The following ATP9A variants were observed in gnomAD, a reference collection of about 807,000 sequenced individuals.
ATP9A encodes the protein probable phospholipid-transporting ATPase IIA.
ATP9A carries 52 observed loss-of-function variants against 144.1 expected under a neutral mutation model. The ratio of observed to expected loss-of-function variants is 0.36; its 90% CI spans 0.29 to 0.45. The LOEUF is 0.45. Among genes scored for constraint, ATP9A ranks in the 20% least tolerant of loss-of-function variants. The probability of loss-of-function intolerance (pLI) is 1.00; values close to 1 mark genes in which losing one functional copy is unlikely to be tolerated. For synonymous variants in ATP9A, 582 were observed against 557.4 expected (o/e 1.04, Z -0.62); for missense variants, 947 against 1,392.7 (o/e 0.68, Z 5.09).
At chr20:51,719,482 C>G (rs757553367) in intron 3 of ATP9A, among the ~76,000 whole-genome samples, 3 of 152,216 alleles carry the variant, frequency 2.0e-5, no homozygotes, top group Non-Finnish European at 4.4e-5. Context: ...CGCCTGTAAT[C>G]CCAGCACTTT....
At position 51,629,049 on chromosome 20, in the gene ATP9A, C is replaced by T. The variant is rs779331194; in HGVS notation, c.1692G>A (p.Thr564=). ...IVRDESTGEI[T]FYMKGADVVM... Reference sequence around the variant, plus strand: ...CCACATCTGCTCCCTTCATGTAAAACGTAATTTCTCCAGTTGATTCATCCT... The same window carrying T: ...CCACATCTGCTCCCTTCATGTAAAATGTAATTTCTCCAGTTGATTCATCCT... The change falls in exon 16 of 28, where the codon ACG becomes ACA. Residue 564 remains threonine (T), a synonymous_variant. Coordinates refer to ENST00000338821, the MANE Select transcript of ATP9A (RefSeq NM_006045.3). 5.1e-5 allele frequency: 82 copies of T among 1,614,038 alleles called. 1 individual carries two copies. In the East Asian group the frequency reaches 9.1e-4, roughly 18 times the overall value.
At position 51,687,535 on chromosome 20, in the gene ATP9A, A is replaced by G. The variant is rs375968583; in HGVS notation, c.799+1529T>C. ...ATGATCCCAGCGTTTTGGCTGAAGC[A>G]GAAGGATCACTTGAGTCTGAGAGTT... On this transcript the variant is annotated intron_variant, in intron 9 of 27. Coordinates refer to ENST00000338821, the MANE Select transcript of ATP9A (RefSeq NM_006045.3). Among the ~76,000 whole-genome samples the G allele has an allele frequency of 3.9e-3, 588 of 152,304 alleles. 5 individuals carry two copies. Among genetic ancestry groups the G allele is most frequent in the African/African-American group, 0.014 (565 of 41,566 alleles).
intron 2 of ATP9A, among the ~76,000 whole-genome samples, chr20:51,728,912 G>A (rs967712243): frequency 3.3e-5 from 5 of 151,934 alleles, no homozygotes; most frequent in African/African-American, 1.2e-4. Context: ...CAACTGGTGT[G>A]TGTTTGGAGG....
At chr20:51,662,121 A>C (rs762238408) in intron 13 of ATP9A, among the ~76,000 whole-genome samples, 1 of 152,252 alleles carries the variant, frequency 6.6e-6, no homozygotes, top group Non-Finnish European at 1.5e-5. Context: ...ACAGCCACTG[A>C]AACTATAAAT....
chr20:51,764,188 A>C (rs2077894195), intron 1 of ATP9A, among the ~76,000 whole-genome samples: 1 of 152,216 alleles, frequency 6.6e-6, no homozygotes, highest in Non-Finnish European at 1.5e-5. Context: ...AGAGAGGTAA[A>C]GTTATTTTCC....
At chr20:51,662,165 T>C (rs1297501838) in intron 13 of ATP9A, among the ~76,000 whole-genome samples, 1 of 152,216 alleles carries the variant, frequency 6.6e-6, no homozygotes, top group Non-Finnish European at 1.5e-5. Flanking sequence ...TTAGCGCAAC[T>C]GAACTGTGCT....
At chr20:51,746,605 C>T (rs1017466463) in intron 1 of ATP9A, among the ~76,000 whole-genome samples, 5 of 152,134 alleles carry the variant, frequency 3.3e-5, no homozygotes, top group African/African-American at 1.2e-4. Flanking sequence ...TTTGGGAGGC[C>T]AAGACAGGCA....
chr20:51,652,244 C>T (rs76078580), intron 14 of ATP9A, among the ~76,000 whole-genome samples: 140 of 152,304 alleles, frequency 9.2e-4, no homozygotes, highest in African/African-American at 3.2e-3. Flanking sequence ...ACTTACTGTA[C>T]GGTGGCAGGG....
At chr20:51,640,636 G>A (rs1230973856) in intron 14 of ATP9A, among the ~76,000 whole-genome samples, 7 of 152,212 alleles carry the variant, frequency 4.6e-5, no homozygotes, top group African/African-American at 1.4e-4. Context: ...TCATCGCACG[G>A]GTGTCAAGTC....
At chr20:51,658,561 C>G (rs953308059) in intron 13 of ATP9A, among the ~76,000 whole-genome samples, 2 of 146,742 alleles carry the variant, frequency 1.4e-5, no homozygotes, top group Non-Finnish European at 3.0e-5. Flanking sequence ...ACTCTGTCAC[C>G]CAGGCTGGAG....
Position 51,618,712 on chromosome 20 carries a change from T to C in ATP9A, c.2300A>G (p.Gln767Arg), listed in dbSNP as rs1013341656. ...CCRCAPTQKA[Q>R]IVRLLQERTG... is the part of the protein sequence containing the mutation. Reference sequence around the variant, plus strand: ...GCGCTCCTGAAGCAGGCGCACGATCTGGGCCTTCTGGGTGGGGGCACATCG... The same window carrying C: ...GCGCTCCTGAAGCAGGCGCACGATCCGGGCCTTCTGGGTGGGGGCACATCG... The change falls in exon 21 of 28, where the codon CAG becomes CGG. Residue 767 changes from glutamine to arginine, a missense_variant. Transcript: ENST00000338821. 6.2e-7 allele frequency: 1 copy of C among 1,613,440 alleles called. No individual in the cohort carries two copies. Among genetic ancestry groups the C allele is most frequent in the African/African-American group, 1.3e-5 (1 of 74,996 alleles).
intron 4 of ATP9A, among the ~76,000 whole-genome samples, chr20:51,709,160 G>C (rs1286759258): frequency 6.6e-6 from 1 of 152,180 alleles, no homozygotes; most frequent in Non-Finnish European, 1.5e-5. Context: ...TCTGCAACTT[G>C]TCTCAAATGA....
intron 16 of ATP9A, among the ~76,000 whole-genome samples, chr20:51,628,641 C>T (rs1199999311): frequency 6.6e-6 from 1 of 152,202 alleles, no homozygotes; most frequent in Non-Finnish European, 1.5e-5. Flanking sequence ...CTTAGTTCAA[C>T]AGTCCAAAAG....
chr20:51,743,969 T>G (rs1380481499), intron 1 of ATP9A, among the ~76,000 whole-genome samples: 6 of 150,848 alleles, frequency 4.0e-5, no homozygotes. Flanking sequence ...ATTCTGGCAC[T>G]GCACTCCAGC....
At chr20:51,607,405 C>T in intron 26 of ATP9A, 122 bp downstream of exon 26, 1 of 874,946 alleles carries the variant, frequency 1.1e-6, no homozygotes, top group Non-Finnish European at 1.8e-6. Flanking sequence ...CTGGGTCCCA[C>T]TGCCACCCTC....
rs2031344 is a variant in ATP9A, at chr20:51,694,020, G to C, written c.630C>G (p.Leu210=). ...GAAAGCTACTCACGGCGGCCGTGGG[G>C]AGCCTCTGCGTGCAGGCCACGGGAA... is the stretch of plus-strand genomic sequence containing the variant. ...LRLPVACTQR[L]PTAADLLQIR... is the part of the protein sequence containing the mutation. Residue 210 remains leucine (L), a synonymous_variant, in exon 7 of 28, where the codon CTC becomes CTG. Coordinates refer to ENST00000338821, the MANE Select transcript of ATP9A (RefSeq NM_006045.3). 2 of 1,613,350 alleles carry C rather than the reference G, an allele frequency of 1.2e-6. No individual in the cohort carries two copies. Among genetic ancestry groups the C allele is most frequent in the Non-Finnish European group, 1.7e-6 (2 of 1,179,740 alleles).
chr20:51,697,142 T>C (rs1271725670), intron 5 of ATP9A, among the ~76,000 whole-genome samples: 3 of 152,166 alleles, frequency 2.0e-5, no homozygotes, highest in Admixed American at 6.5e-5. Context: ...TATCCCAAAA[T>C]AATAAGCACA....
chr20:51,642,414 C>T (rs1184618952), intron 14 of ATP9A, among the ~76,000 whole-genome samples: 4 of 152,110 alleles, frequency 2.6e-5, no homozygotes, highest in African/African-American at 9.7e-5. Flanking sequence ...TTCAACCTCC[C>T]TCCCAAAGTG....
intron 9 of ATP9A, 101 bp from the exon 10 acceptor site, chr20:51,676,309 T>C: frequency 3.4e-6 from 1 of 290,312 alleles, no homozygotes; most frequent in Non-Finnish European, 5.5e-6. Flanking sequence ...GACTGGGTTC[T>C]TTTTTTTTTT....
Sources: gnomAD v4.1 joint callset for allele counts (sites outside exome capture counted in the v4.1 genomes callset) on GRCh38, gnomAD v4.1.1 for gene constraint, MANE v1.5 for transcripts, NCBI Gene and HGNC (gene_info 2026-07-23, HGNC 2026-07-21) for gene names.